PRIM2: variants seen among roughly 807,000 people sequenced by gnomAD.
PRIM2 encodes DNA primase large subunit.
Under a neutral mutation model 67.3 loss-of-function variants are expected in PRIM2, and 39 were observed. The observed-to-expected ratio is 0.58, with a 90% CI of 0.45 to 0.76. The LOEUF is 0.76. PRIM2 is among the 30% of genes least tolerant of loss of function. PRIM2 has a pLI of 0.00. For synonymous variants in PRIM2, 143 were observed against 198.7 expected (o/e 0.72, Z 2.36); for missense variants, 398 against 598.7 (o/e 0.66, Z 3.50).
chr6:57,435,674 C>G (rs1324574739), intron 7 of PRIM2, among the ~76,000 whole-genome samples: 1 of 152,098 alleles, frequency 6.6e-6, no homozygotes, highest in Admixed American at 6.5e-5. Flanking sequence ...AACTTTGCCC[C>G]CAGTCTTCAT....
At chr6:57,549,867 C>T (rs1168983717) in intron 10 of PRIM2, among the ~76,000 whole-genome samples, 1 of 152,086 alleles carries the variant, frequency 6.6e-6, no homozygotes, top group Non-Finnish European at 1.5e-5. Context: ...GGGCAGATGA[C>T]CTGAGGTCGG....
At chr6:57,308,942 T>A in the PRIM2 span, among the ~76,000 whole-genome samples, 2 of 151,918 alleles carry the variant, frequency 1.3e-5, no homozygotes, top group Admixed American at 6.6e-5. Flanking sequence ...TTGTTTATTT[T>A]TTTTTTTAGT....
At chr6:57,415,965 A>G (rs1168088020) in intron 7 of PRIM2, among the ~76,000 whole-genome samples, 4 of 152,162 alleles carry the variant, frequency 2.6e-5, no homozygotes, top group African/African-American at 7.2e-5. Flanking sequence ...AAAGTCAACC[A>G]TGAGAGTTGG....
At chr6:57,347,349 A>T (rs1400974267) in intron 5 of PRIM2, among the ~76,000 whole-genome samples, 6 of 152,220 alleles carry the variant, frequency 3.9e-5, no homozygotes, top group Non-Finnish European at 5.9e-5. Context: ...TGGTGATATA[A>T]GGAGACTGAG....
At chr6:57,376,704 T>G (rs1471788571) in intron 5 of PRIM2, among the ~76,000 whole-genome samples, 1 of 152,184 alleles carries the variant, frequency 6.6e-6, no homozygotes, top group Non-Finnish European at 1.5e-5. Flanking sequence ...TCTCTGTTAA[T>G]TAATTTTTCT....
intron 7 of PRIM2, among the ~76,000 whole-genome samples, chr6:57,443,256 G>A (rs1772259763): frequency 6.6e-6 from 1 of 152,170 alleles, no homozygotes; most frequent in East Asian, 1.9e-4. Flanking sequence ...AATCTTTTGG[G>A]TAAGTACCCA....
At chr6:57,564,018 T>C (rs1775690229) in intron 10 of PRIM2, among the ~76,000 whole-genome samples, 1 of 152,244 alleles carries the variant, frequency 6.6e-6, no homozygotes. Context: ...AAGTCCTTTC[T>C]GGTTTAGTGG....
chr6:57,289,508 T>C, the PRIM2 span, among the ~76,000 whole-genome samples: 7 of 152,044 alleles, frequency 4.6e-5, no homozygotes, highest in African/African-American at 1.2e-4. Flanking sequence ...AATTGTCAGA[T>C]TCACCAAGGT....
chr6:57,519,127 T>C (rs1451322939), intron 8 of PRIM2, among the ~76,000 whole-genome samples: 91 of 152,232 alleles, frequency 6.0e-4, no homozygotes, highest in African/African-American at 1.9e-3. Context: ...TCACAGACAT[T>C]AAGTACTTTA....
At chr6:57,508,010 C>T (rs1774285099) in intron 8 of PRIM2, among the ~76,000 whole-genome samples, 1 of 152,196 alleles carries the variant, frequency 6.6e-6, no homozygotes, top group Non-Finnish European at 1.5e-5. Context: ...GATCTCCGCT[C>T]ACTGCAACCT....
chr6:57,590,638 G>A (rs1184817908), intron 10 of PRIM2, among the ~76,000 whole-genome samples: 2 of 152,120 alleles, frequency 1.3e-5, no homozygotes, highest in African/African-American at 4.8e-5. Flanking sequence ...AGATATTGAG[G>A]GTGATCTCAA....
chr6:57,583,225 T>A (rs1264797231), intron 10 of PRIM2, among the ~76,000 whole-genome samples: 1 of 150,188 alleles, frequency 6.7e-6, no homozygotes, highest in Non-Finnish European at 1.5e-5. Flanking sequence ...ATGTGCACAG[T>A]GTGCAGGTTT....
chr6:57,484,408 A>G (rs1773698406), intron 7 of PRIM2, among the ~76,000 whole-genome samples: 2 of 152,292 alleles, frequency 1.3e-5, no homozygotes, highest in East Asian at 1.9e-4. Context: ...ATAAGAAGGC[A>G]TAGACCTAAG....
intron 7 of PRIM2, among the ~76,000 whole-genome samples, chr6:57,394,032 T>G (rs1489427711): frequency 6.6e-6 from 1 of 152,190 alleles, no homozygotes; most frequent in Non-Finnish European, 1.5e-5. Flanking sequence ...TGCCTGTTTT[T>G]ATACCAGTAC....
intron 12 of PRIM2, among the ~76,000 whole-genome samples, chr6:57,619,916 G>A (rs1299957412): frequency 1.3e-5 from 2 of 152,270 alleles, no homozygotes; most frequent in East Asian, 1.9e-4. Context: ...GAAGCACAGG[G>A]CCAGGTGCGG....
At chr6:57,239,802 C>A in the PRIM2 span, among the ~76,000 whole-genome samples, 2 of 152,090 alleles carry the variant, frequency 1.3e-5, no homozygotes, top group Admixed American at 1.3e-4. Flanking sequence ...AAGTGCCTTC[C>A]CCTGTTTTCT....
At chr6:57,383,847 C>G (rs113952340) in intron 7 of PRIM2, among the ~76,000 whole-genome samples, 13,283 of 152,224 alleles carry the variant, frequency 0.087, 594 homozygotes, top group South Asian at 0.11. Flanking sequence ...TTTAAAGGCA[C>G]TAACTTAGGT....
intron 13 of PRIM2, among the ~76,000 whole-genome samples, chr6:57,638,315 G>A (rs1777160202): frequency 6.6e-6 from 1 of 152,000 alleles, no homozygotes; most frequent in Admixed American, 6.6e-5. Flanking sequence ...TCTAAAGACT[G>A]TCGACACTAT....
the PRIM2 span, among the ~76,000 whole-genome samples, chr6:57,233,075 T>G: frequency 3.9e-5 from 6 of 152,342 alleles, no homozygotes; most frequent in East Asian, 1.2e-3. Flanking sequence ...TTCCTCTGTA[T>G]GAAATCATGT....
Sources: gnomAD v4.1 joint callset for allele counts (sites outside exome capture counted in the v4.1 genomes callset) on GRCh38, gnomAD v4.1.1 for gene constraint, MANE v1.5 for transcripts, NCBI Gene and HGNC (gene_info 2026-07-23, HGNC 2026-07-21) for gene names.